KLHL42: variants seen among roughly 807,000 people sequenced by gnomAD.
KLHL42 encodes the protein kelch like family member 42.
KLHL42 carries 27 observed loss-of-function variants against 32.7 expected under a neutral mutation model. The observed-to-expected ratio is 0.83, with a 90% CI of 0.61 to 1.14. KLHL42 has a LOEUF of 1.14. Ranked by LOEUF, KLHL42 falls within the 50% of genes most tolerant of loss-of-function variation. The pLI is 0.00. For missense variants in KLHL42, 491 were observed against 560.8 expected, an observed-to-expected ratio of 0.88 and a Z score of 1.26; for synonymous variants, 267 against 248.2, an observed-to-expected ratio of 1.08 and a Z score of -0.71.
intron 1 of KLHL42, among the ~76,000 whole-genome samples, chr12:27,781,832 A>G (rs1308879646): frequency 6.6e-6 from 1 of 152,126 alleles, no homozygotes; most frequent in Non-Finnish European, 1.5e-5. Context: ...GAATATTTTC[A>G]TTTACGCAAC....
intron 2 of KLHL42, among the ~76,000 whole-genome samples, chr12:27,792,856 T>G (rs557061704): frequency 3.3e-5 from 5 of 152,212 alleles, no homozygotes; most frequent in African/African-American, 1.2e-4. Flanking sequence ...TATATATGTG[T>G]TTTTCACTTT....
chr12:27,790,096 G>A (rs1591815379), intron 1 of KLHL42, among the ~76,000 whole-genome samples: 1 of 152,100 alleles, frequency 6.6e-6, no homozygotes, highest in Admixed American at 6.6e-5. Flanking sequence ...TTTTGTGTGT[G>A]CATAGCCTCT....
chr12:27,788,277 G>T, intron 1 of KLHL42: 1 of 152,024 alleles, frequency 6.6e-6, no homozygotes, highest in South Asian at 2.1e-4. Context: ...TCTTACTCTG[G>T]GTCAGGTATT....
In KLHL42 at chr12:27,797,695, C is replaced by CT. The variant is rs747891716; in HGVS notation, c.1067-18dup. On this transcript the variant is annotated intron_variant, in intron 2 of 2. Coordinates refer to ENST00000381271, the MANE Select transcript of KLHL42 (RefSeq NM_020782.2). ...GGTGTTAGTGGAGGCGGTGTCATCA[C>CT]TTGTCTTTCTTTCTTTCAGACCGGA... 2 of 679,332 alleles carry CT rather than the reference C, an allele frequency of 2.9e-6. No homozygotes were observed. The highest frequency in any genetic ancestry group is 5.3e-6 in the Non-Finnish European group (2 of 373,948). The allele number at this position is 679,332 out of a possible 1,614,324, so 42.1% of individuals were successfully genotyped here. A position where few individuals can be genotyped will look rare whatever the true frequency, so the allele number is the denominator to read the frequency against.
intron 1 of KLHL42, among the ~76,000 whole-genome samples, chr12:27,782,072 A>G (rs1038468508): frequency 2.0e-5 from 3 of 152,222 alleles, no homozygotes; most frequent in African/African-American, 7.2e-5. Context: ...GAATCAATGT[A>G]ACTCAAGAAA....
rs776546110 is a variant in KLHL42, at chr12:27,791,832, C to T, written c.997C>T (p.Pro333Ser). The change falls in exon 2 of 3, where the codon CCT (proline) becomes TCT (serine). Residue 333 changes from proline (P) to serine (S), a missense_variant. Coordinates refer to ENST00000381271, the MANE Select transcript of KLHL42 (RefSeq NM_020782.2). ...AWNFVAPLPNPLAEFSACECK... is the reference protein window; with the variant it reads ...AWNFVAPLPNSLAEFSACECK... ...GAATTTTGTGGCGCCCTTACCCAAT[C>T]CTCTGGCTGAGTTCTCTGCCTGTGA... The T allele has an allele frequency of 2.5e-6, 4 of 1,614,056 alleles. No individual in the cohort carries two copies. Among genetic ancestry groups the T allele is most frequent in the Middle Eastern group, 1.6e-4 (1 of 6,084 alleles).
At chr12:27,796,141 G>T (rs555328230) in intron 2 of KLHL42, among the ~76,000 whole-genome samples, 1 of 152,310 alleles carries the variant, frequency 6.6e-6, no homozygotes, top group African/African-American at 2.4e-5. Flanking sequence ...TCCTAATGCC[G>T]TGGCTTACAA....
chr12:27,780,434 G>A lies in KLHL42; in HGVS notation c.104G>A (p.Arg35His), dbSNP rs2062140706. 1 of 1,550,376 alleles carries A rather than the reference G, an allele frequency of 6.5e-7. No individual in the cohort carries two copies. The highest frequency in any genetic ancestry group is 1.9e-5 in the Admixed American group (1 of 51,634). The stretch of plus-strand genomic sequence containing the variant: ...AGCGACTACTTCCGCGCCCTCTACC[G>A]CTCCGGCATGCGCGAGGCCCTGAGC... ...EQSDYFRALY[R>H]SGMREALSQE... The change falls in exon 1 of 3, where the codon CGC (arginine) becomes CAC (histidine). Residue 35 changes from arginine to histidine, a missense_variant. Arg to His is a conservative substitution (Grantham distance 29). This residue lies in a region of KLHL42 where 88 missense variants were observed against 89.0 expected (regional missense o/e 0.99). Coordinates refer to ENST00000381271, the MANE Select transcript of KLHL42 (RefSeq NM_020782.2). The surrounding 1 kb of genome is among the most constrained non-coding windows in gnomAD (Gnocchi z 8.8).
At chr12:27,796,985 G>A (rs1003445227) in intron 2 of KLHL42, among the ~76,000 whole-genome samples, 1 of 152,044 alleles carries the variant, frequency 6.6e-6, no homozygotes, top group East Asian at 1.9e-4. Flanking sequence ...TTATCTAGAC[G>A]TTGATCTTAT....
chr12:27,780,354 G>A lies in KLHL42; in HGVS notation c.24G>A (p.Gln8=). 8 of 1,582,070 alleles carry A rather than the reference G, an allele frequency of 5.1e-6. No homozygotes were observed. Among genetic ancestry groups the A allele is most frequent in the Non-Finnish European group, 5.1e-6 (6 of 1,166,918 alleles). The stretch of plus-strand genomic sequence containing the variant: ...CCATGTCGGCCGAGGAGATGGTGCA[G>A]ATCCGCCTGGAGGACCGCTGCTACC... MSAEEMV[Q]IRLEDRCYPV... Residue 8 remains glutamine (Q), a synonymous_variant, in exon 1 of 3, where the codon CAG becomes CAA. Coordinates refer to ENST00000381271, the MANE Select transcript of KLHL42 (RefSeq NM_020782.2). The surrounding 1 kb of genome is among the most constrained non-coding windows in gnomAD (Gnocchi z 8.8).
chr12:27,795,004 GC>G (rs1182016436), intron 2 of KLHL42, among the ~76,000 whole-genome samples: 6 of 151,952 alleles, frequency 3.9e-5, no homozygotes, highest in African/African-American at 1.5e-4. Context: ...TAAGCCATGG[GC>G]CCCTCAGTCC....
chr12:27,788,755 G>A (rs535781175), intron 1 of KLHL42, among the ~76,000 whole-genome samples: 3 of 152,200 alleles, frequency 2.0e-5, no homozygotes, highest in African/African-American at 7.2e-5. Flanking sequence ...TTCAATTGTG[G>A]TTTTATCCAA....
At chr12:27,794,186 T>G (rs372028052) in intron 2 of KLHL42, among the ~76,000 whole-genome samples, 11 of 152,310 alleles carry the variant, frequency 7.2e-5, no homozygotes, top group African/African-American at 2.2e-4. Flanking sequence ...CAGAAACATA[T>G]TTTCTTATAG....
At chr12:27,787,786 T>G (rs970632922) in intron 1 of KLHL42, 1 of 152,110 alleles carries the variant, frequency 6.6e-6, no homozygotes, top group African/African-American at 2.4e-5. Context: ...TTTGCTGAGC[T>G]GTCCCTTCTC....
In KLHL42 at chr12:27,780,576, G is replaced by A; in HGVS notation, c.246G>A (p.Pro82=). The A allele has an allele frequency of 2.0e-6, 3 of 1,537,956 alleles. No individual in the cohort carries two copies. The highest frequency in any genetic ancestry group is 2.6e-6 in the Non-Finnish European group (3 of 1,145,816). The change falls in exon 1 of 3, where the codon CCG becomes CCA. Residue 82 remains proline, a synonymous_variant. Transcript: ENST00000381271. This position sits in a 1 kb window ranked among gnomAD's most constrained non-coding sequence, Gnocchi z 8.8. Reference sequence around the variant, plus strand: ...CCCGCGAAGGCTGGCTCCTGGGCCCGCGCGGGGAAAAGGGCGGCGGGGTGG... The same window carrying A: ...CCCGCGAAGGCTGGCTCCTGGGCCCACGCGGGGAAAAGGGCGGCGGGGTGG... The part of the protein sequence containing the change: ...GGAREGWLLG[P]RGEKGGGVDE...
At position 27,800,280 on chromosome 12, in the gene KLHL42, C is replaced by T. The variant is rs555981799; in HGVS notation, c.*2114C>T. On this transcript the variant is annotated 3_prime_UTR_variant, in exon 3 of 3. Transcript: ENST00000381271. Reference sequence around the variant, plus strand: ...TAATGTTGACAATTAGATTCTTGGACCAAGTGAGGGTGTACTCTGATCCAC... The same window carrying T: ...TAATGTTGACAATTAGATTCTTGGATCAAGTGAGGGTGTACTCTGATCCAC... 89 of 985,022 alleles carry T rather than the reference C, an allele frequency of 9.0e-5. 1 individual carries two copies. The South Asian group carries it at 3.7e-3, about 41-fold the overall frequency. The allele number at this position is 985,022 out of a possible 1,614,324, so 61.0% of individuals were successfully genotyped here.
chr12:27,780,666 G>A lies in KLHL42; in HGVS notation c.336G>A (p.Leu112=). Residue 112 remains leucine, a synonymous_variant, in exon 1 of 3, where the codon CTG becomes CTA. Transcript: ENST00000381271. This position sits in a 1 kb window ranked among gnomAD's most constrained non-coding sequence, Gnocchi z 8.8. ...AGCTGGTGGAGGCGGCCTCCTTCCT[G>A]CAGGTCACGTCCCTGCTGCAGCTGC... ...LSELVEAASF[L]QVTSLLQLLL... The A allele has an allele frequency of 6.3e-7, 1 of 1,590,500 alleles. No homozygotes were observed. Among genetic ancestry groups the A allele is most frequent in the Non-Finnish European group, 8.6e-7 (1 of 1,166,432 alleles).
In KLHL42 at chr12:27,798,142, T is replaced by C; in HGVS notation, c.1494T>C (p.Tyr498=). The C allele has an allele frequency of 1.3e-6, 1 of 780,300 alleles. No homozygotes were observed. Among genetic ancestry groups the C allele is most frequent in the South Asian group, 1.3e-5 (1 of 74,624 alleles). The allele number at this position is 780,300 out of a possible 1,614,324, so 48.3% of individuals were successfully genotyped here. A position where few individuals can be genotyped will look rare whatever the true frequency, so the allele number is the denominator to read the frequency against. Residue 498 remains tyrosine (Y), a synonymous_variant, in exon 3 of 3, where the codon TAT becomes TAC. Transcript: ENST00000381271. ...ATAACTTGCTGGTTTCTTCTCTTTA[T>C]CTGCCCAATAAAGCAGAAACATGAC... ...FGHNLLVSSL[Y]LPNKAET
intron 2 of KLHL42, among the ~76,000 whole-genome samples, chr12:27,796,100 G>C (rs1398821712): frequency 6.6e-6 from 1 of 152,164 alleles, no homozygotes; most frequent in Non-Finnish European, 1.5e-5. Context: ...AAGAAGGAGA[G>C]GTATTAATGT....
Sources: allele counts gnomAD v4.1 joint callset (sites outside exome capture counted in the v4.1 genomes callset), GRCh38; gene constraint gnomAD v4.1.1; regional missense constraint gnomAD v4.1.1; non-coding constraint Gnocchi (gnomAD v3.1); transcripts MANE v1.5; gene names NCBI Gene and HGNC (gene_info 2026-07-23, HGNC 2026-07-21).